The following CLIP4 variants were observed in gnomAD, a reference collection of about 807,000 sequenced individuals.
The protein encoded by CLIP4 is CAP-Gly domain containing linker protein family member 4.
CLIP4 carries 47 observed loss-of-function variants against 73.1 expected under a neutral mutation model. That is an observed-to-expected ratio of 0.64 (90% CI 0.51 to 0.82). The LOEUF is 0.82. Ranked by LOEUF, CLIP4 falls within the 40% of genes least tolerant of loss-of-function variation. CLIP4 has a pLI of 0.00. For missense variants in CLIP4, 874 were observed against 852.9 expected (o/e 1.02, Z -0.31); for synonymous variants, 306 against 295.4 (o/e 1.04, Z -0.37).
At chr2:29,107,358 G>GTTTTGTTTTTTTTTTTTTT (rs1668239932) in intron 1 of CLIP4, among the ~76,000 whole-genome samples, 1 of 65,352 alleles carries the variant, frequency 1.5e-5, no homozygotes, top group Non-Finnish European at 3.0e-5. Flanking sequence ...GAACATGATA[G>GTTTTGTTTTTTTTTTTTTT]TTTTTTTTTT....
intron 13 of CLIP4, 66 bp downstream of exon 13, chr2:29,164,020 A>G: frequency 1.5e-6 from 2 of 1,315,748 alleles, no homozygotes; most frequent in Admixed American, 2.0e-5. Flanking sequence ...TAATAGAGAC[A>G]CTAATTTTAT....
upstream of CLIP4, among the ~76,000 whole-genome samples, chr2:29,113,256 C>G (rs1298314810): frequency 6.6e-6 from 1 of 152,182 alleles, no homozygotes; most frequent in Non-Finnish European, 1.5e-5. This position sits in a 1 kb window ranked among gnomAD's most constrained non-coding sequence, Gnocchi z 4.0. Flanking sequence ...GTAAGTTGAT[C>G]ACCTCCTGAC....
intron 6 of CLIP4, among the ~76,000 whole-genome samples, chr2:29,137,582 T>C (rs943048710): frequency 6.6e-6 from 1 of 152,224 alleles, no homozygotes; most frequent in African/African-American, 2.4e-5. Context: ...TTTTAGTTTT[T>C]TGAGAAATCT....
At chr2:29,143,229 C>G (rs963577963) in intron 6 of CLIP4, among the ~76,000 whole-genome samples, 1 of 152,168 alleles carries the variant, frequency 6.6e-6, no homozygotes, top group Non-Finnish European at 1.5e-5. Context: ...GAGCACCGCT[C>G]CCCACATGGA....
At chr2:29,110,977 C>T (rs995449891), upstream of CLIP4, among the ~76,000 whole-genome samples, 5 of 152,200 alleles carry the variant, frequency 3.3e-5, no homozygotes, top group East Asian at 3.9e-4. Flanking sequence ...TGAGCCACCA[C>T]GCCTGGTCAA....
intron 13 of CLIP4, 149 bp downstream of exon 13, chr2:29,164,103 G>T: frequency 1.4e-6 from 1 of 724,560 alleles, no homozygotes; most frequent in Non-Finnish European, 2.2e-6. Flanking sequence ...TCAGAGAGAA[G>T]GCTCATGGAA....
At chr2:29,129,130 G>T (rs1468339340) in intron 2 of CLIP4, among the ~76,000 whole-genome samples, 2 of 152,152 alleles carry the variant, frequency 1.3e-5, no homozygotes, top group Admixed American at 6.5e-5. Context: ...TTCTTGCTGA[G>T]AAATTTTGTA....
rs1185405281 is a variant in CLIP4 at position 29,115,503 on chromosome 2, G to C, written c.-178G>C. On this transcript the variant is annotated 5_prime_UTR_variant, in exon 1 of 16. Transcript: ENST00000320081. This position sits in a 1 kb window ranked among gnomAD's most constrained non-coding sequence, Gnocchi z 5.1. Reference sequence around the variant, plus strand: ...CCTGCACTGCGCGCGCGCCCACCCCGCGTGGGAGGCAGCGGGAGGGGCCCG... The same window carrying C: ...CCTGCACTGCGCGCGCGCCCACCCCCCGTGGGAGGCAGCGGGAGGGGCCCG... 3 of 148,258 alleles carry C rather than the reference G, an allele frequency of 2.0e-5. No individual in the cohort carries two copies. The highest frequency in any genetic ancestry group is 7.3e-5 in the African/African-American group (3 of 41,036). 9.2% of individuals were successfully genotyped at this position (148,258 alleles called of 1,614,324 possible). A position where few individuals can be genotyped will look rare whatever the true frequency, so the allele number is the denominator to read the frequency against.
intron 15 of CLIP4, among the ~76,000 whole-genome samples, chr2:29,176,045 G>A (rs566039870): frequency 3.3e-5 from 5 of 152,358 alleles, no homozygotes; most frequent in South Asian, 4.1e-4. Context: ...ACAGGCGTGA[G>A]CCACCGCACC....
At chr2:29,118,459 G>GATTCT (rs1366978961) in intron 1 of CLIP4, 1 of 151,874 alleles carries the variant, frequency 6.6e-6, no homozygotes, top group Non-Finnish European at 1.5e-5. Flanking sequence ...TGGGGAATTT[G>GATTCT]ATTCTAGCTA....
upstream of CLIP4, among the ~76,000 whole-genome samples, chr2:29,111,623 A>G (rs921054478): frequency 4.6e-5 from 7 of 152,328 alleles, no homozygotes; most frequent in South Asian, 1.4e-3. Context: ...GGCCTTTAAA[A>G]TATTTTATAT....
chr2:29,114,704 C>T (rs768848581), upstream of CLIP4, among the ~76,000 whole-genome samples: 11 of 152,228 alleles, frequency 7.2e-5, no homozygotes, highest in Non-Finnish European at 1.3e-4. Context: ...GACGTTCATT[C>T]AACATCTGTT....
Position 29,131,389 on chromosome 2 carries a change from G to A in CLIP4, c.265G>A (p.Gly89Arg), listed in dbSNP as rs1664958508. The A allele has an allele frequency of 6.3e-7, 1 of 1,593,290 alleles. No homozygotes were observed. The highest frequency in any genetic ancestry group is 8.5e-7 in the Non-Finnish European group (1 of 1,173,356). ...PQVQQNIDIIGNEILKRGCNV... is the reference protein window; with the variant it reads ...PQVQQNIDIIRNEILKRGCNV... ...GGTCCAACAAAACATTGACATTATT[G>A]GAAATGAGGTAAGGAATTCTTACAT... The change falls in exon 3 of 16, where the codon GGA becomes AGA. Residue 89 changes from glycine (G) to arginine (R), a missense_variant. Coordinates refer to ENST00000320081, the MANE Select transcript of CLIP4 (RefSeq NM_024692.6).
chr2:29,107,994 C>T (rs1572856009), intron 1 of CLIP4, among the ~76,000 whole-genome samples: 1 of 145,554 alleles, frequency 6.9e-6, no homozygotes. Flanking sequence ...CTTGGAGTTT[C>T]TTTTTTTTTT....
upstream of CLIP4, chr2:29,115,395 A>C (rs1663710765): frequency 6.6e-6 from 1 of 151,234 alleles, no homozygotes; most frequent in Non-Finnish European, 1.5e-5. This position sits in a 1 kb window ranked among gnomAD's most constrained non-coding sequence, Gnocchi z 5.1. Flanking sequence ...GAGCCAGCGC[A>C]GGCGCGCGCT....
At chr2:29,146,523 C>T (rs1457031883) in intron 8 of CLIP4, among the ~76,000 whole-genome samples, 1 of 152,252 alleles carries the variant, frequency 6.6e-6, no homozygotes, top group Non-Finnish European at 1.5e-5. Flanking sequence ...CTCTCACACA[C>T]ACCTATCCTG....
intron 1 of CLIP4, among the ~76,000 whole-genome samples, chr2:29,101,502 C>T (rs1253548975): frequency 6.6e-6 from 1 of 152,054 alleles, no homozygotes; most frequent in Non-Finnish European, 1.5e-5. Flanking sequence ...GCCAGTCTAG[C>T]CTTTCAATGT....
intron 6 of CLIP4, among the ~76,000 whole-genome samples, chr2:29,139,123 G>T (rs1456318526): frequency 6.6e-6 from 1 of 151,918 alleles, no homozygotes; most frequent in Non-Finnish European, 1.5e-5. Flanking sequence ...TCAGTATGAT[G>T]TTGGCTGTGG....
At chr2:29,169,075 T>G (rs1363405078) in intron 14 of CLIP4, among the ~76,000 whole-genome samples, 1 of 152,170 alleles carries the variant, frequency 6.6e-6, no homozygotes, top group African/African-American at 2.4e-5. Context: ...ATAGGTGTGT[T>G]GTTTTAATTT....
Sources: allele counts gnomAD v4.1 joint callset (sites outside exome capture counted in the v4.1 genomes callset), GRCh38; gene constraint gnomAD v4.1.1; non-coding constraint Gnocchi (gnomAD v3.1); transcripts MANE v1.5; gene names NCBI Gene and HGNC (gene_info 2026-07-23, HGNC 2026-07-21).